Variants in PCSK5 observed in about 807,000 individuals in gnomAD.
PCSK5 encodes prohormone convertase 5.
PCSK5 carries 129 observed loss-of-function variants against 233.2 expected under a neutral mutation model. That is an observed-to-expected ratio of 0.55 (90% CI 0.48 to 0.64). PCSK5 has a LOEUF of 0.64. PCSK5 is among the 30% of genes least tolerant of loss of function. The pLI, the probability that PCSK5 is intolerant of heterozygous loss-of-function variation, is 0.00. For synonymous variants in PCSK5, 825 were observed against 879.2 expected, an observed-to-expected ratio of 0.94 and a Z score of 1.09; for missense variants, 2,076 against 2,430.1, an observed-to-expected ratio of 0.85 and a Z score of 3.06.
intron 5 of PCSK5, among the ~76,000 whole-genome samples, chr9:76,035,731 G>T (rs974129795): frequency 6.6e-6 from 1 of 152,134 alleles, no homozygotes; most frequent in Admixed American, 6.5e-5. Context: ...CAAGACAGGT[G>T]TATTTAATTA....
intron 7 of PCSK5, among the ~76,000 whole-genome samples, chr9:76,092,160 A>G (rs1478910882): frequency 6.6e-6 from 1 of 152,126 alleles, no homozygotes; most frequent in Non-Finnish European, 1.5e-5. Context: ...CTTAAGGGCA[A>G]AAGATACATC....
At chr9:76,084,728 G>A (rs899718408) in intron 7 of PCSK5, among the ~76,000 whole-genome samples, 1 of 152,186 alleles carries the variant, frequency 6.6e-6, no homozygotes, top group Non-Finnish European at 1.5e-5. Context: ...ATTTGAGAAA[G>A]TTGATAGGGA....
intron 5 of PCSK5, among the ~76,000 whole-genome samples, chr9:76,055,871 C>G (rs1045764635): frequency 2.0e-5 from 3 of 152,130 alleles, no homozygotes; most frequent in Non-Finnish European, 2.9e-5. Context: ...GGCAAAAGTA[C>G]TTTGAGCATT....
At chr9:76,124,184 A>C (rs150669018) in intron 9 of PCSK5, among the ~76,000 whole-genome samples, 129 of 152,252 alleles carry the variant, frequency 8.5e-4, no homozygotes, top group African/African-American at 3.1e-3. Context: ...CTTACTAGTT[A>C]CACGGCTTTG....
chr9:75,935,045 A>G (rs1173021167), intron 2 of PCSK5, among the ~76,000 whole-genome samples: 1 of 152,090 alleles, frequency 6.6e-6, no homozygotes, highest in African/African-American at 2.4e-5. Context: ...CTTTCTGTCT[A>G]CACACACATG....
chr9:76,109,560 G>GTT (rs61400585), intron 9 of PCSK5, among the ~76,000 whole-genome samples: 8 of 136,768 alleles, frequency 5.8e-5, no homozygotes, highest in Non-Finnish European at 7.9e-5. Context: ...GACTACAATT[G>GTT]TTTTTTTTTT....
chr9:75,913,688 T>G (rs1392795179), intron 1 of PCSK5, among the ~76,000 whole-genome samples: 3 of 152,242 alleles, frequency 2.0e-5, no homozygotes, highest in African/African-American at 7.2e-5. Flanking sequence ...TTGCTTCTAG[T>G]ACACTAGGAG....
At chr9:76,264,804 T>A (rs1827284282) in intron 24 of PCSK5, among the ~76,000 whole-genome samples, 1 of 152,206 alleles carries the variant, frequency 6.6e-6, no homozygotes, top group African/African-American at 2.4e-5. Flanking sequence ...TCAGCCACTG[T>A]GGAAGGCACT....
At chr9:76,163,495 A>C (rs540001824) in intron 12 of PCSK5, among the ~76,000 whole-genome samples, 1 of 152,334 alleles carries the variant, frequency 6.6e-6, no homozygotes, top group East Asian at 1.9e-4. Context: ...AGCCCCGTGG[A>C]TCATTCAGTG....
At chr9:76,035,981 AT>A (rs201308471) in intron 5 of PCSK5, among the ~76,000 whole-genome samples, 1 of 150,638 alleles carries the variant, frequency 6.6e-6, no homozygotes, top group African/African-American at 2.4e-5. Context: ...CCCTTATTTT[AT>A]TTTTTTTTCA....
intron 8 of PCSK5, among the ~76,000 whole-genome samples, chr9:76,096,376 G>A (rs760598315): frequency 1.3e-5 from 2 of 152,118 alleles, no homozygotes; most frequent in Non-Finnish European, 2.9e-5. Flanking sequence ...ATTGGTTCAC[G>A]TTCACATTGT....
Position 76,159,175 on chromosome 9 carries a change from C to T in PCSK5, c.1619+4C>T, listed in dbSNP as rs1822738436. The T allele has an allele frequency of 6.2e-7, 1 of 1,613,596 alleles. No homozygotes were observed. The highest frequency in any genetic ancestry group is 8.5e-7 in the Non-Finnish European group (1 of 1,179,630). Reference sequence around the variant, plus strand: ...GGTCTCAGCTTTTGGCCAACAGGTACAGCAGTGGTCTCTGCCCACCAGTGT... The same window carrying T: ...GGTCTCAGCTTTTGGCCAACAGGTATAGCAGTGGTCTCTGCCCACCAGTGT... On this transcript the variant is annotated splice_donor_region_variant and intron_variant, in intron 12 of 37. Transcript: ENST00000674117.
intron 2 of PCSK5, among the ~76,000 whole-genome samples, chr9:75,946,898 A>G (rs1254436815): frequency 1.3e-5 from 2 of 152,154 alleles, no homozygotes; most frequent in East Asian, 3.9e-4. Context: ...AATATTTAAA[A>G]TATTTCTTAG....
chr9:76,181,440 C>T lies in PCSK5; in HGVS notation c.2046C>T (p.Asp682=), dbSNP rs537387537. 2 of 1,613,946 alleles carry T rather than the reference C, an allele frequency of 1.2e-6. No homozygotes were observed. Among genetic ancestry groups the T allele is most frequent in the Non-Finnish European group, 1.7e-6 (2 of 1,179,906 alleles). Residue 682 remains aspartate (D), a synonymous_variant, in exon 16 of 38, where the codon GAC becomes GAT. Coordinates refer to ENST00000674117, the MANE Select transcript of PCSK5 (RefSeq NM_001372043.1). ...GCCCCCCTGGCCACTACCACGCCGA[C>T]AAGAAGCGCTGCAGGAAGTGTGCCC... is the stretch of plus-strand genomic sequence containing the variant. ...SSCPPGHYHA[D]KKRCRKCAPN...
intron 3 of PCSK5, among the ~76,000 whole-genome samples, chr9:76,010,533 G>A (rs1458980858): frequency 6.6e-6 from 1 of 152,268 alleles, no homozygotes; most frequent in Middle Eastern, 3.4e-3. Context: ...AAAGTGGAAA[G>A]GGCTGCATTT....
chr9:76,074,048 G>A (rs1830563973), intron 7 of PCSK5, among the ~76,000 whole-genome samples: 1 of 152,116 alleles, frequency 6.6e-6, no homozygotes, highest in African/African-American at 2.4e-5. Flanking sequence ...AGTAAACTAT[G>A]CTTATTGGAT....
intron 8 of PCSK5, among the ~76,000 whole-genome samples, chr9:76,101,085 C>T (rs1251082293): frequency 6.6e-6 from 1 of 152,102 alleles, no homozygotes; most frequent in Non-Finnish European, 1.5e-5. Flanking sequence ...TTCTAGTGCA[C>T]TTATAGCTAC....
At chr9:75,938,030 T>A (rs1824137733) in intron 2 of PCSK5, among the ~76,000 whole-genome samples, 1 of 152,268 alleles carries the variant, frequency 6.6e-6, no homozygotes, top group Non-Finnish European at 1.5e-5. Context: ...TCTTATCATC[T>A]GTGCGTTCAT....
At chr9:75,967,254 G>A (rs536863870) in intron 2 of PCSK5, among the ~76,000 whole-genome samples, 7 of 152,082 alleles carry the variant, frequency 4.6e-5, no homozygotes, top group South Asian at 4.2e-4. Flanking sequence ...TACTTTTTCC[G>A]CCCTCTAGTA....
Sources: gnomAD v4.1 joint callset for allele counts (sites outside exome capture counted in the v4.1 genomes callset) on GRCh38, gnomAD v4.1.1 for gene constraint, MANE v1.5 for transcripts, NCBI Gene and HGNC (gene_info 2026-07-23, HGNC 2026-07-21) for gene names.